Variants in FAM178B observed in about 807,000 individuals in gnomAD.
FAM178B encodes the protein protein FAM178B.
A neutral mutation model predicts 91.7 loss-of-function variants in FAM178B; 82 were observed. That is an observed-to-expected ratio of 0.89 (90% CI 0.75 to 1.07). FAM178B has a LOEUF of 1.07. FAM178B is among the 50% of genes least tolerant of loss of function. The pLI is 0.00. For synonymous variants in FAM178B, 368 were observed against 359.4 expected (o/e 1.02, Z -0.27); for missense variants, 769 against 846.7 (o/e 0.91, Z 1.14).
At chr2:96,910,957 G>A (rs186454753) in intron 12 of FAM178B, among the ~76,000 whole-genome samples, 1 of 152,094 alleles carries the variant, frequency 6.6e-6, no homozygotes, top group Non-Finnish European at 1.5e-5. Flanking sequence ...TAGTAGACCC[G>A]GGGTTTCACC....
At chr2:96,949,947 T>C (rs1283369855) in intron 7 of FAM178B, 14 of 980,372 alleles carry the variant, frequency 1.4e-5, no homozygotes, top group Non-Finnish European at 1.6e-5. Flanking sequence ...CAGGAGTAGG[T>C]GGCAGGGCCA....
chr2:96,941,304 G>A (rs2081726043), intron 8 of FAM178B, among the ~76,000 whole-genome samples: 1 of 152,158 alleles, frequency 6.6e-6, no homozygotes, highest in African/African-American at 2.4e-5. Context: ...GGGTTACCTG[G>A]GTGGTAAGAT....
intron 6 of FAM178B, among the ~76,000 whole-genome samples, chr2:96,956,054 G>C (rs147869473): frequency 9.2e-5 from 14 of 152,320 alleles, no homozygotes; most frequent in East Asian, 3.9e-4. Flanking sequence ...TGCACCCAGA[G>C]GACAAACGCA....
chr2:96,899,763 A>T (rs1162061589), intron 13 of FAM178B, among the ~76,000 whole-genome samples: 1 of 151,152 alleles, frequency 6.6e-6, no homozygotes, highest in Non-Finnish European at 1.5e-5. Context: ...AAAGAACTCC[A>T]GGGCTCAAAT....
intron 14 of FAM178B, among the ~76,000 whole-genome samples, chr2:96,880,889 C>T (rs371163598): frequency 1.3e-5 from 2 of 152,166 alleles, no homozygotes; most frequent in Non-Finnish European, 2.9e-5. Context: ...CCACCGCGCC[C>T]GGCTAAAACT....
chr2:96,907,378 A>G (rs2153369767), intron 12 of FAM178B, among the ~76,000 whole-genome samples: 1 of 152,292 alleles, frequency 6.6e-6, no homozygotes, highest in African/African-American at 2.4e-5. Flanking sequence ...GGGCTGGCTG[A>G]GGCTGGCTGT....
chr2:96,926,813 T>C (rs532302448), intron 9 of FAM178B, among the ~76,000 whole-genome samples: 1 of 152,330 alleles, frequency 6.6e-6, no homozygotes, highest in East Asian at 1.9e-4. Flanking sequence ...GGAAGACTTG[T>C]CTTTCTCAGA....
intron 13 of FAM178B, among the ~76,000 whole-genome samples, chr2:96,901,621 TAAAC>T (rs1214943444): frequency 6.6e-6 from 1 of 152,154 alleles, no homozygotes. Flanking sequence ...CTATAAAAAA[TAAAC>T]AACAACAAAA....
intron 8 of FAM178B, among the ~76,000 whole-genome samples, chr2:96,940,768 A>G (rs747239705): frequency 6.6e-6 from 1 of 152,246 alleles, no homozygotes; most frequent in Non-Finnish European, 1.5e-5. Flanking sequence ...ATGTAAGTGT[A>G]TACATTATAC....
rs556313987 is a variant in FAM178B, at chr2:96,921,621, C to T, written c.1321G>A (p.Ala441Thr). 1.2e-5 allele frequency: 18 copies of T among 1,551,578 alleles called. No individual in the cohort carries two copies. In the Admixed American group the frequency reaches 1.8e-4, roughly 15 times the overall value. ...CCCATGAGGTTCTCATCAGTGTAGG[C>T]CCCCGGCTGGGCCTGGGCACACAGC... Reference protein sequence around the residue: ...LALCAQAQPGAYTDENLMGLI... With the variant: ...LALCAQAQPGTYTDENLMGLI... Residue 441 changes from alanine to threonine, a missense_variant, in exon 11 of 17, where the codon GCC becomes ACC. By Grantham distance (58) the Ala-to-Thr change is moderately conservative. Coordinates refer to ENST00000490605, the MANE Select transcript of FAM178B (RefSeq NM_001122646.3).
chr2:96,943,226 G>T (rs1043904596), intron 8 of FAM178B, among the ~76,000 whole-genome samples: 3 of 152,148 alleles, frequency 2.0e-5, no homozygotes, highest in Non-Finnish European at 4.4e-5. Context: ...GAAAACATTT[G>T]CAAATCACAT....
intron 5 of FAM178B, among the ~76,000 whole-genome samples, chr2:96,960,834 A>G (rs577898696): frequency 6.6e-6 from 1 of 152,282 alleles, no homozygotes; most frequent in African/African-American, 2.4e-5. Context: ...AGAGGCCTAC[A>G]GGGCGGCTCC....
At chr2:96,986,182 G>T in intron 1 of FAM178B, 59 bp downstream of exon 1, 1 of 1,531,940 alleles carries the variant, frequency 6.5e-7, no homozygotes, top group South Asian at 1.2e-5. Flanking sequence ...CAGGGAAGTC[G>T]AGTGCTCTCT....
chr2:96,967,469 G>T, intron 5 of FAM178B, 51 bp downstream of exon 5: 2 of 1,181,636 alleles, frequency 1.7e-6, no homozygotes, highest in Non-Finnish European at 2.4e-6. Context: ...GAGGGGGTTG[G>T]CACCTCAGTC....
At chr2:96,877,402 ATT>A (rs897024279) in intron 16 of FAM178B, among the ~76,000 whole-genome samples, 18 of 132,340 alleles carry the variant, frequency 1.4e-4, no homozygotes, top group Non-Finnish European at 1.5e-4. Context: ...TGGGCACTGG[ATT>A]TTTTTTTTTT....
At chr2:96,893,086 T>G (rs2080721681) in intron 14 of FAM178B, among the ~76,000 whole-genome samples, 1 of 152,232 alleles carries the variant, frequency 6.6e-6, no homozygotes, top group African/African-American at 2.4e-5. Flanking sequence ...ATTTGCAGAG[T>G]GATGCCCAAA....
intron 6 of FAM178B, among the ~76,000 whole-genome samples, chr2:96,959,245 T>A (rs1574304141): frequency 7.6e-6 from 1 of 131,870 alleles, no homozygotes; most frequent in Non-Finnish European, 1.6e-5. Context: ...GCAATAATGG[T>A]GTTGGTAGGC....
intron 14 of FAM178B, among the ~76,000 whole-genome samples, chr2:96,892,313 G>A (rs531348238): frequency 5.4e-4 from 82 of 152,284 alleles, no homozygotes; most frequent in African/African-American, 1.9e-3. Flanking sequence ...GAGCGCAGCA[G>A]AGGGGGTCTA....
chr2:96,923,982 GCCACAACCTT>G (rs1231191399), intron 9 of FAM178B, among the ~76,000 whole-genome samples: 1 of 152,228 alleles, frequency 6.6e-6, no homozygotes, highest in African/African-American at 2.4e-5. Context: ...CCAAGACAGA[GCCACAACCTT>G]CCACAACCTA....
Sources: allele counts gnomAD v4.1 joint callset (sites outside exome capture counted in the v4.1 genomes callset), GRCh38; gene constraint gnomAD v4.1.1; transcripts MANE v1.5; gene names NCBI Gene and HGNC (gene_info 2026-07-23, HGNC 2026-07-21).